Variants in FLT4 observed in about 807,000 individuals in gnomAD.
FLT4 encodes vascular endothelial growth factor receptor 3.
Under a neutral mutation model 163.2 loss-of-function variants are expected in FLT4, and 30 were observed. The observed-to-expected ratio is 0.18, with a 90% confidence interval of 0.14 to 0.25. FLT4 has a LOEUF of 0.25. Among genes scored for constraint, FLT4 ranks in the 10% least tolerant of loss-of-function variants. The pLI is 1.00. For missense variants in FLT4, 1,510 were observed against 1,863.8 expected (o/e 0.81, Z 3.50); for synonymous variants, 884 against 789.5 (o/e 1.12, Z -2.01).
intron 10 of FLT4, among the ~76,000 whole-genome samples, chr5:180,625,312 G>A (rs547460566): frequency 5.3e-4 from 81 of 152,338 alleles, no homozygotes; most frequent in African/African-American, 1.7e-3. Context: ...AGGGGAGCAC[G>A]GCTCAGCAGG....
rs574248675 is a variant in FLT4, at chr5:180,630,749, G to A, written c.206C>T (p.Ala69Val). ...GTCCTCGCTGTCCTTGTCTCCGGTG[G>A]CTGGCGCCTCCTGAGCTCCTGGCCA... ...WAWPGAQEAPATGDKDSEDTG... is the reference protein window; with the variant it reads ...WAWPGAQEAPVTGDKDSEDTG... Residue 69 changes from alanine (A) to valine (V), a missense_variant, in exon 3 of 30, where the codon GCC becomes GTC. Physicochemically the swap from Ala to Val is moderately conservative, Grantham distance 64 (BLOSUM62 0). This residue lies in a region of FLT4 where 157 missense variants were observed against 178.7 expected (regional missense o/e 0.88). Coordinates refer to ENST00000261937, the MANE Select transcript of FLT4 (RefSeq NM_182925.5). The surrounding 1 kb of genome is among the most constrained non-coding windows in gnomAD (Gnocchi z 6.3). 1.9e-5 allele frequency: 31 copies of A among 1,609,658 alleles called. No homozygotes were observed. Among genetic ancestry groups the A allele is most frequent in the African/African-American group, 1.6e-4 (12 of 75,028 alleles).
At position 180,631,674 on chromosome 5, in the gene FLT4, C is replaced by G; in HGVS notation, c.155+8G>C. ...CTCTGGCCTGCCAGTGGGAGAGGGA[C>G]CCAGTACCTGCAGGAGATGGACAGG... On this transcript the variant is annotated splice_region_variant and intron_variant, in intron 2 of 29. Coordinates refer to ENST00000261937, the MANE Select transcript of FLT4 (RefSeq NM_182925.5). 2 of 1,603,570 alleles carry G rather than the reference C, an allele frequency of 1.2e-6. No homozygotes were observed. Among genetic ancestry groups the G allele is most frequent in the Non-Finnish European group, 1.7e-6 (2 of 1,174,932 alleles).
Position 180,630,215 on chromosome 5 carries a change from G to A in FLT4, c.513+10C>T. 6.2e-7 allele frequency: 1 copy of A among 1,611,292 alleles called. No homozygotes were observed. Among genetic ancestry groups the A allele is most frequent in the Non-Finnish European group, 8.5e-7 (1 of 1,178,822 alleles). ...GAGGGTCGGATGCTGGGGTTGGGGT[G>A]GGGCCGTACCGAGCGCAGCGTGACA... is the stretch of plus-strand genomic sequence containing the variant. On this transcript the variant is annotated intron_variant, in intron 4 of 29. Coordinates refer to ENST00000261937, the MANE Select transcript of FLT4 (RefSeq NM_182925.5). This position sits in a 1 kb window ranked among gnomAD's most constrained non-coding sequence, Gnocchi z 6.3.
Position 180,649,581 on chromosome 5 carries a change from C to G in FLT4, c.-36G>C. 1 of 1,342,944 alleles carries G rather than the reference C, an allele frequency of 7.4e-7. No individual in the cohort carries two copies. Among genetic ancestry groups the G allele is most frequent in the Non-Finnish European group, 9.6e-7 (1 of 1,039,726 alleles). The allele number at this position is 1,342,944 out of a possible 1,614,324, so 83.2% of individuals were successfully genotyped here. ...TGCGCGTGGGTCCGACCCGAGCGGC[C>G]GCGGCTCGGGGCTGAAAGTGTCCGC... On this transcript the variant is annotated 5_prime_UTR_variant, in exon 1 of 30. Coordinates refer to ENST00000261937, the MANE Select transcript of FLT4 (RefSeq NM_182925.5).
chr5:180,621,402 C>T (rs1331606962), intron 13 of FLT4, 140 bp downstream of exon 13: 6 of 1,420,172 alleles, frequency 4.2e-6, no homozygotes, highest in Non-Finnish European at 3.8e-6. Context: ...CCGCAGGGGG[C>T]GGCGGATAGT....
At chr5:180,631,481 A>G (rs1237615076) in intron 2 of FLT4, among the ~76,000 whole-genome samples, 3 of 151,866 alleles carry the variant, frequency 2.0e-5, no homozygotes, top group Non-Finnish European at 4.4e-5. Context: ...TCAGAAAAAA[A>G]AAAAGAAATG....
intron 24 of FLT4, 114 bp from the exon 25 acceptor site, chr5:180,613,224 C>T (rs1301288726): frequency 1.4e-6 from 1 of 710,064 alleles, no homozygotes; most frequent in Non-Finnish European, 2.4e-6. Context: ...CTGTCCCTTT[C>T]CCCATCCGTG....
chr5:180,638,912 CTCTT>C lies in FLT4; in HGVS notation c.59-7138_59-7135del, dbSNP rs537643060. Among the ~76,000 whole-genome samples the C allele has an allele frequency of 1.1e-3, 172 of 152,124 alleles. 2 individuals carry two copies. Among genetic ancestry groups the C allele is most frequent in the Admixed American group, 2.8e-3 (42 of 15,222 alleles). Reference sequence around the variant, plus strand: ...TTCAATGGGGTAAGGACCAAGACAGCTCTTTCTTACCCCACCCCATGCTTCCCAC... The same window carrying C: ...TTCAATGGGGTAAGGACCAAGACAGCTCTTACCCCACCCCATGCTTCCCAC... On this transcript the variant is annotated intron_variant, in intron 1 of 29. Transcript: ENST00000261937.
At chr5:180,622,927 C>G (rs1474542286) in intron 11 of FLT4, 88 bp from the exon 12 acceptor site, 10 of 555,934 alleles carry the variant, frequency 1.8e-5, no homozygotes, top group Non-Finnish European at 2.6e-5. Flanking sequence ...CGCTGTGCAC[C>G]ACCCCCCCCA....
At position 180,649,491 on chromosome 5, in the gene FLT4, C is replaced by T. The variant is rs1765644006; in HGVS notation, c.55G>A (p.Asp19Asn). 1 of 1,461,684 alleles carries T rather than the reference C, an allele frequency of 6.8e-7. No homozygotes were observed. The highest frequency in any genetic ancestry group is 2.3e-5 in the Admixed American group (1 of 42,962). The allele number at this position is 1,461,684 out of a possible 1,614,324, so 90.5% of individuals were successfully genotyped here. ...GTGGCCCGTTCGCCGCGCTCACCGT[C>T]CAGGAGTCCCAGGCAGAGCCACAGT... ...LRLWLCLGLLDGLVSGYSMTP... is the reference protein window; with the variant it reads ...LRLWLCLGLLNGLVSGYSMTP... The change falls in exon 1 of 30, where the codon GAC (aspartate) becomes AAC (asparagine). Residue 19 changes from aspartate (D) to asparagine (N), a missense_variant. Around this residue, in one of 5 missense-constraint regions of FLT4, gnomAD observed 157 missense variants for 178.7 expected, o/e 0.88. Transcript: ENST00000261937.
At chr5:180,603,817 T>C (rs1761640936) in intron 29 of FLT4, among the ~76,000 whole-genome samples, 3 of 151,338 alleles carry the variant, frequency 2.0e-5, no homozygotes, top group African/African-American at 7.3e-5. Flanking sequence ...GGCAGGAGAA[T>C]GGCGTGAACC....
chr5:180,622,180 G>A (rs543691945), intron 12 of FLT4, among the ~76,000 whole-genome samples: 7 of 152,188 alleles, frequency 4.6e-5, no homozygotes, highest in South Asian at 4.1e-4. Context: ...CCAGTGCCGT[G>A]CGCCCACTTC....
At chr5:180,633,568 CA>C (rs2127844935) in intron 1 of FLT4, among the ~76,000 whole-genome samples, 1 of 152,286 alleles carries the variant, frequency 6.6e-6, no homozygotes, top group South Asian at 2.1e-4. Context: ...GAGTCTGGGC[CA>C]GGGGCTGGGG....
intron 9 of FLT4, 28 bp downstream of exon 9, chr5:180,626,083 C>T (rs141847350): frequency 5.0e-6 from 8 of 1,612,760 alleles, no homozygotes; most frequent in Non-Finnish European, 6.8e-6. Flanking sequence ...AGGCCGCCCA[C>T]CCGTGCGCTC....
chr5:180,629,871 C>T (rs750556676), intron 5 of FLT4, 36 bp from the exon 6 acceptor site: 4 of 1,612,650 alleles, frequency 2.5e-6, no homozygotes, highest in South Asian at 2.2e-5. Flanking sequence ...CACGCCCTCA[C>T]AGGACGACAC....
Position 180,621,648 on chromosome 5 carries a change from C to A in FLT4, c.1914G>T (p.Leu638=). 1 of 1,607,844 alleles carries A rather than the reference C, an allele frequency of 6.2e-7. No individual in the cohort carries two copies. The highest frequency in any genetic ancestry group is 1.7e-5 in the Admixed American group (1 of 59,864). The change falls in exon 13 of 30, where the codon CTG becomes CTT. Residue 638 remains leucine, a synonymous_variant. Coordinates refer to ENST00000261937, the MANE Select transcript of FLT4 (RefSeq NM_182925.5). The part of the protein sequence containing the change: ...APGARHATLS[L]SIPRVAPEHE... ...GCTCGGGCGCGACGCGGGGGATACT[C>A]AGGCTGAGCGTGGCGTGGCGCGCCC... is the stretch of plus-strand genomic sequence containing the variant.
intron 1 of FLT4, among the ~76,000 whole-genome samples, chr5:180,639,189 GGACA>G (rs201376114): frequency 0.027 from 2,546 of 93,972 alleles, 218 homozygotes; most frequent in African/African-American, 0.087. Context: ...GTGGATGGAT[GGACA>G]GACAGATGAA....
intron 23 of FLT4, among the ~76,000 whole-genome samples, chr5:180,614,868 C>A (rs13155357): frequency 0.18 from 27,426 of 152,086 alleles, 2,798 homozygotes; most frequent in Middle Eastern, 0.25. Context: ...TGCTCCTCCC[C>A]CTCTGACACC....
Position 180,633,693 on chromosome 5 carries a change from T to C in FLT4, c.59-1915A>G, listed in dbSNP as rs148488949. 2.5e-3 allele frequency among the ~76,000 whole-genome samples: 385 copies of C among 152,254 alleles called. 2 individuals carry two copies. Among genetic ancestry groups the C allele is most frequent in the African/African-American group, 8.7e-3 (360 of 41,542 alleles). ...TTCCAGGTAGTGGAAAGTAAGTCCA[T>C]GCCAGGAAGACAGCTGGGCATGTAT... On this transcript the variant is annotated intron_variant, in intron 1 of 29. Transcript: ENST00000261937.
Sources: allele counts gnomAD v4.1 joint callset (sites outside exome capture counted in the v4.1 genomes callset), GRCh38; gene constraint gnomAD v4.1.1; regional missense constraint gnomAD v4.1.1; non-coding constraint Gnocchi (gnomAD v3.1); transcripts MANE v1.5; gene names NCBI Gene and HGNC (gene_info 2026-07-23, HGNC 2026-07-21).